Variants in NCALD observed in about 807,000 individuals in gnomAD.
NCALD encodes neurocalcin-delta.
NCALD carries 10 observed loss-of-function variants against 18.6 expected under a neutral mutation model. The ratio of observed to expected loss-of-function variants is 0.54; its 90% CI spans 0.33 to 0.91. NCALD has a LOEUF of 0.91. Ranked by LOEUF, NCALD falls within the 40% of genes least tolerant of loss-of-function variation. The probability of loss-of-function intolerance (pLI) is 0.03; values close to 1 mark genes in which losing one functional copy is unlikely to be tolerated. For missense variants in NCALD, 184 were observed against 247.6 expected (o/e 0.74, Z 1.72); for synonymous variants, 88 against 87.4 (o/e 1.01, Z -0.04).
At chr8:102,013,219 G>C (rs1312648303) in intron 2 of NCALD, among the ~76,000 whole-genome samples, 2 of 152,118 alleles carry the variant, frequency 1.3e-5, no homozygotes, top group African/African-American at 2.4e-5. Flanking sequence ...TGGTGGTCTA[G>C]GTACCTCCCC....
intron 4 of NCALD, among the ~76,000 whole-genome samples, chr8:101,842,627 G>A (rs1814690768): frequency 1.3e-5 from 2 of 152,200 alleles, no homozygotes; most frequent in South Asian, 2.1e-4. Context: ...ACAGGGAAGG[G>A]GGCTGTGCCA....
At chr8:101,773,945 A>T (rs1811688508) in intron 1 of NCALD, among the ~76,000 whole-genome samples, 1 of 152,186 alleles carries the variant, frequency 6.6e-6, no homozygotes, top group South Asian at 2.1e-4. Flanking sequence ...ACTAATGTTA[A>T]CATACCTTAA....
rs558398562 is a variant in NCALD, at chr8:102,048,264, A to G, written c.-209-27975T>C. Reference sequence around the variant, plus strand: ...GTAATTCCTGTCTCTCTCTTCCTCCATAAAAGCAGACTATTGCCGGAAAAT... The same window carrying G: ...GTAATTCCTGTCTCTCTCTTCCTCCGTAAAAGCAGACTATTGCCGGAAAAT... On this transcript the variant is annotated intron_variant, in intron 1 of 6. Transcript: ENST00000311028. 1.2e-4 allele frequency among the ~76,000 whole-genome samples: 19 copies of G among 152,350 alleles called. No individual in the cohort carries two copies. In the East Asian group the frequency reaches 3.3e-3, roughly 26 times the overall value.
chr8:102,015,658 A>G (rs1822057540), intron 2 of NCALD, among the ~76,000 whole-genome samples: 1 of 152,188 alleles, frequency 6.6e-6, no homozygotes, highest in African/African-American at 2.4e-5. Context: ...AACTCATTAG[A>G]GAGCTAAGGA....
intron 1 of NCALD, among the ~76,000 whole-genome samples, chr8:101,764,835 T>C (rs1811278179): frequency 6.6e-6 from 1 of 152,144 alleles, no homozygotes; most frequent in Admixed American, 6.5e-5. Flanking sequence ...TGAAAGAACA[T>C]GAGAAACTTT....
intron 4 of NCALD, among the ~76,000 whole-genome samples, chr8:101,878,880 T>C (rs1293668391): frequency 6.6e-6 from 1 of 152,204 alleles, no homozygotes; most frequent in African/African-American, 2.4e-5. Context: ...CGACGGTCAA[T>C]GCCATGTCCT....
rs1190719758 is a variant in NCALD, at chr8:101,687,612, C to T, written c.*1697G>A. On this transcript the variant is annotated 3_prime_UTR_variant, in exon 4 of 4. Coordinates refer to ENST00000220931, the MANE Select transcript of NCALD (RefSeq NM_032041.3). ...TTAGCATGTCTAGTCACATTTTTCT[C>T]CTGGTCATGATGTCTCTCTTTCTGT... 1 of 152,220 alleles carries T rather than the reference C, an allele frequency of 6.6e-6. No individual in the cohort carries two copies. Among genetic ancestry groups the T allele is most frequent in the African/African-American group, 2.4e-5 (1 of 41,422 alleles). 9.4% of individuals were successfully genotyped at this position (152,220 alleles called of 1,614,324 possible).
chr8:101,747,658 A>G (rs959047378), intron 1 of NCALD, among the ~76,000 whole-genome samples: 4 of 151,990 alleles, frequency 2.6e-5, no homozygotes, highest in South Asian at 2.1e-4. Flanking sequence ...CCTACAGATT[A>G]TCTCCTCTTT....
chr8:101,779,505 A>C (rs1262003771), intron 1 of NCALD, among the ~76,000 whole-genome samples: 1 of 152,190 alleles, frequency 6.6e-6, no homozygotes, highest in African/African-American at 2.4e-5. Flanking sequence ...TAGCAAACTA[A>C]AATGTAGTAT....
chr8:102,114,514 C>G (rs1005989784), intron 1 of NCALD, among the ~76,000 whole-genome samples: 1 of 152,174 alleles, frequency 6.6e-6, no homozygotes, highest in Non-Finnish European at 1.5e-5. Flanking sequence ...TAGCAGGAAG[C>G]CATGACCACC....
chr8:102,052,693 G>A (rs769879192), intron 1 of NCALD, among the ~76,000 whole-genome samples: 1 of 152,160 alleles, frequency 6.6e-6, no homozygotes, highest in Non-Finnish European at 1.5e-5. Flanking sequence ...GCATGAAACT[G>A]GCCAACTTTT....
At position 101,937,149 on chromosome 8, in the gene NCALD, A is replaced by C. The variant is rs149611636; in HGVS notation, c.-156-21291T>G. ...AAAGAAGTGATGCTTTAAAACAGAC[A>C]TCATTCTAGGGATCCAGTGCTCTTG... is the stretch of plus-strand genomic sequence containing the variant. On this transcript the variant is annotated intron_variant, in intron 2 of 6. Transcript: ENST00000311028. Among the ~76,000 whole-genome samples, 74 of 152,252 alleles carry C rather than the reference A, an allele frequency of 4.9e-4. No homozygotes were observed. The East Asian group carries it at 0.014, about 29-fold the overall frequency.
chr8:101,722,963 CA>C (rs1376031766), intron 1 of NCALD, among the ~76,000 whole-genome samples: 1 of 152,174 alleles, frequency 6.6e-6, no homozygotes, highest in Non-Finnish European at 1.5e-5. Context: ...TGGTACAACA[CA>C]AATCTTAGGG....
intron 1 of NCALD, among the ~76,000 whole-genome samples, chr8:102,119,891 G>A (rs144452752): frequency 5.3e-4 from 80 of 152,340 alleles, no homozygotes; most frequent in African/African-American, 1.8e-3. Flanking sequence ...TGGTCAAATA[G>A]TTGAGTAAAA....
At chr8:101,829,767 T>C (rs186290674) in intron 4 of NCALD, among the ~76,000 whole-genome samples, 2 of 152,334 alleles carry the variant, frequency 1.3e-5, no homozygotes, top group African/African-American at 2.4e-5. Context: ...TATGCTTTCA[T>C]ACAACTAAAC....
In NCALD at chr8:101,719,564, A is replaced by G. The variant is rs1238829667; in HGVS notation, c.66T>C (p.Phe22=). ...VMQDLLESTD[F]TEHEIQEWYK... is the part of the protein sequence containing the mutation. Reference sequence around the variant, plus strand: ...ACCATTCCTGGATCTCATGCTCTGTAAAGTCTGTGCTTTCCAGCAAGTCCT... The same window carrying G: ...ACCATTCCTGGATCTCATGCTCTGTGAAGTCTGTGCTTTCCAGCAAGTCCT... The change falls in exon 2 of 4, where the codon TTT becomes TTC. Residue 22 remains phenylalanine (F), a synonymous_variant. Transcript: ENST00000220931. 1.9e-6 allele frequency: 3 copies of G among 1,613,846 alleles called. No individual in the cohort carries two copies. The highest frequency in any genetic ancestry group is 1.7e-5 in the Admixed American group (1 of 59,990).
chr8:101,878,393 T>A (rs1488683778), intron 4 of NCALD, among the ~76,000 whole-genome samples: 2 of 152,248 alleles, frequency 1.3e-5, no homozygotes, highest in Admixed American at 6.5e-5. Flanking sequence ...TTCAGACTGT[T>A]CAAGAGTTTC....
intron 1 of NCALD, among the ~76,000 whole-genome samples, chr8:102,086,999 G>A (rs1587054820): frequency 1.3e-5 from 2 of 152,158 alleles, no homozygotes; most frequent in East Asian, 3.8e-4. Flanking sequence ...GTCTACAAAG[G>A]GGGAGATATG....
intron 2 of NCALD, among the ~76,000 whole-genome samples, chr8:102,019,925 A>G (rs1055161295): frequency 6.6e-6 from 1 of 152,194 alleles, no homozygotes; most frequent in Non-Finnish European, 1.5e-5. Context: ...TCTTAAGGTG[A>G]TAATGAATAT....
Sources: allele counts gnomAD v4.1 joint callset (sites outside exome capture counted in the v4.1 genomes callset), GRCh38; gene constraint gnomAD v4.1.1; transcripts MANE v1.5; gene names NCBI Gene and HGNC (gene_info 2026-07-23, HGNC 2026-07-21).